Variants in ABCA13 observed in about 807,000 individuals in gnomAD.
ABCA13 encodes ATP-binding cassette sub-family A member 13.
Under a neutral mutation model 478.7 loss-of-function variants are expected in ABCA13, and 476 were observed. That is an observed-to-expected ratio of 0.99 (90% CI 0.92 to 1.07). The LOEUF is 1.07. Ranked by LOEUF, ABCA13 falls within the 50% of genes least tolerant of loss-of-function variation. The pLI is 0.00. For synonymous variants in ABCA13, 2,252 were observed against 2,158.9 expected (o/e 1.04, Z -1.20); for missense variants, 6,060 against 5,910.6 (o/e 1.03, Z -0.83).
At chr7:48,249,527 G>A (rs148419702) in intron 15 of ABCA13, among the ~76,000 whole-genome samples, 176 bp downstream of exon 15, 1 of 152,292 alleles carries the variant, frequency 6.6e-6, no homozygotes, top group East Asian at 1.9e-4. Flanking sequence ...ATTATGACAA[G>A]ACTTACCAGA....
At chr7:48,638,779 A>G (rs931493870) in intron 59 of ABCA13, among the ~76,000 whole-genome samples, 3 of 152,214 alleles carry the variant, frequency 2.0e-5, no homozygotes, top group Non-Finnish European at 2.9e-5. Flanking sequence ...TTTGCATTTT[A>G]TAGAGAGGAA....
intron 55 of ABCA13, among the ~76,000 whole-genome samples, chr7:48,549,929 T>C (rs1339914511): frequency 6.6e-6 from 1 of 151,922 alleles, no homozygotes; most frequent in East Asian, 1.9e-4. Flanking sequence ...TTCTTGTAAA[T>C]TTGTTTAAGT....
chr7:48,270,240 T>C (rs1460586014), intron 16 of ABCA13, among the ~76,000 whole-genome samples: 1 of 152,160 alleles, frequency 6.6e-6, no homozygotes, highest in Non-Finnish European at 1.5e-5. Flanking sequence ...AGCTTGAACC[T>C]GTCAATTAAA....
chr7:48,361,544 C>A (rs189694071), intron 31 of ABCA13, among the ~76,000 whole-genome samples: 23 of 151,736 alleles, frequency 1.5e-4, no homozygotes, highest in Admixed American at 1.0e-3. Context: ...ATTTTTATTA[C>A]TTCCTTACTT....
intron 36 of ABCA13, 75 bp downstream of exon 36, chr7:48,388,034 A>G (rs1815460143): frequency 6.7e-7 from 1 of 1,497,424 alleles, no homozygotes; most frequent in African/African-American, 1.4e-5. Flanking sequence ...GTTTGTTTTT[A>G]TGGTCCAGCC....
rs1790117554 is a variant in ABCA13 at position 48,594,817 on chromosome 7, A to G, written c.14744+4A>G. On this transcript the variant is annotated splice_donor_region_variant and intron_variant, in intron 58 of 61. Transcript: ENST00000435803. Reference sequence around the variant, plus strand: ...CTGCGGTGCTGACCTCCCACAGGTGAGTTCCAGTTTCTCTTGTAGCCATTT... The same window carrying G: ...CTGCGGTGCTGACCTCCCACAGGTGGGTTCCAGTTTCTCTTGTAGCCATTT... 6.2e-7 allele frequency: 1 copy of G among 1,612,918 alleles called. No homozygotes were observed. The highest frequency in any genetic ancestry group is 8.5e-7 in the Non-Finnish European group (1 of 1,178,990).
chr7:48,512,555 T>C (rs1831780435), intron 51 of ABCA13, among the ~76,000 whole-genome samples: 1 of 152,198 alleles, frequency 6.6e-6, no homozygotes, highest in Non-Finnish European at 1.5e-5. Context: ...ATTGAATGGA[T>C]AGTGTTGTCA....
In ABCA13 at chr7:48,275,220, T is replaced by G. The variant is rs1416152857; in HGVS notation, c.5554T>G (p.Tyr1852Asp). The G allele has an allele frequency of 7.4e-6, 12 of 1,613,934 alleles. No individual in the cohort carries two copies. Among genetic ancestry groups the G allele is most frequent in the Non-Finnish European group, 1.0e-5 (12 of 1,179,860 alleles). Residue 1852 changes from tyrosine to aspartate, a missense_variant, in exon 17 of 62, where the codon TAT (tyrosine) becomes GAT (aspartate). Physicochemically the swap from Tyr to Asp is radical, Grantham distance 160 (BLOSUM62 -3). Around this residue, in one of 3 missense-constraint regions of ABCA13, gnomAD observed 4,423 missense variants for 4,309.1 expected, o/e 1.03. Coordinates refer to ENST00000435803, the MANE Select transcript of ABCA13 (RefSeq NM_152701.5). ...CCATGGGCTCATGTCTTCTTCCTTT[T>G]ATGGCAAAGTGGCCAGTATACTTGA... ...NVHGLMSSSFYGKVASILDHF... is the reference protein window; with the variant it reads ...NVHGLMSSSFDGKVASILDHF...
chr7:48,244,629 C>T lies in ABCA13; in HGVS notation c.1316C>T (p.Pro439Leu), dbSNP rs747493163. ...TTGCTGCAAAACCTGCCCCAGTGGCCGGCACTGAAGAGATTTCTTCAGCTT... is the reference window on the plus strand; with the variant it reads ...TTGCTGCAAAACCTGCCCCAGTGGCTGGCACTGAAGAGATTTCTTCAGCTT... ...QSLLQNLPQW[P>L]ALKRFLQLDG... is the part of the protein sequence containing the mutation. Residue 439 changes from proline to leucine, a missense_variant, in exon 11 of 62, where the codon CCG (proline) becomes CTG (leucine). This residue lies in a region of ABCA13 where 4,423 missense variants were observed against 4,309.1 expected (regional missense o/e 1.03). Coordinates refer to ENST00000435803, the MANE Select transcript of ABCA13 (RefSeq NM_152701.5). The T allele has an allele frequency of 3.4e-5, 55 of 1,613,086 alleles. No homozygotes were observed. Among genetic ancestry groups the T allele is most frequent in the Admixed American group, 8.3e-5 (5 of 59,980 alleles).
intron 38 of ABCA13, among the ~76,000 whole-genome samples, chr7:48,398,518 T>A (rs1015523818): frequency 3.9e-5 from 6 of 152,176 alleles, no homozygotes; most frequent in African/African-American, 1.2e-4. Flanking sequence ...CCTTAATGTG[T>A]AGCTTCATTA....
At chr7:48,635,061 G>T (rs532243974) in intron 59 of ABCA13, among the ~76,000 whole-genome samples, 56 of 151,802 alleles carry the variant, frequency 3.7e-4, no homozygotes, top group African/African-American at 1.1e-3. Flanking sequence ...CCACTGGGAG[G>T]GCTCCTTCCA....
Position 48,317,079 on chromosome 7 carries a change from GAT to G in ABCA13, c.9860-75_9860-74del, listed in dbSNP as rs1802700506. 10 of 1,499,936 alleles carry G rather than the reference GAT, an allele frequency of 6.7e-6. No individual in the cohort carries two copies. The Admixed American group carries it at 2.2e-4, about 33-fold the overall frequency. The allele number at this position is 1,499,936 out of a possible 1,614,324, so 92.9% of individuals were successfully genotyped here. On this transcript the variant is annotated intron_variant, in intron 26 of 61. Transcript: ENST00000435803. The stretch of plus-strand genomic sequence containing the variant: ...CTGTCATTGAAAATGAGGCATCCTG[GAT>G]ATGTGAATGAATTTCCCTATTAACC...
At chr7:48,358,893 G>T (rs1810381574) in intron 31 of ABCA13, among the ~76,000 whole-genome samples, 1 of 152,072 alleles carries the variant, frequency 6.6e-6, no homozygotes, top group Middle Eastern at 3.4e-3. Flanking sequence ...AGACATATTG[G>T]ATCTTGACAG....
At chr7:48,392,604 G>A (rs1816235899) in intron 38 of ABCA13, among the ~76,000 whole-genome samples, 1 of 152,164 alleles carries the variant, frequency 6.6e-6, no homozygotes, top group Non-Finnish European at 1.5e-5. Flanking sequence ...AGCCTTATTA[G>A]TCATGCTAAG....
At chr7:48,553,219 G>C (rs1246600871) in intron 55 of ABCA13, among the ~76,000 whole-genome samples, 1 of 152,068 alleles carries the variant, frequency 6.6e-6, no homozygotes, top group Admixed American at 6.6e-5. Context: ...TCTGCTGATG[G>C]ACACTTAGGT....
intron 41 of ABCA13, among the ~76,000 whole-genome samples, chr7:48,414,102 A>G (rs1383199585): frequency 6.6e-6 from 1 of 152,248 alleles, no homozygotes. Context: ...GCAGCCTAAT[A>G]AACACACATG....
At position 48,171,507 on chromosome 7, in the gene ABCA13, C is replaced by G. The variant is rs1288954962; in HGVS notation, c.24C>G (p.Phe8Leu). The change falls in exon 1 of 62, where the codon TTC (phenylalanine) becomes TTG (leucine). Residue 8 changes from phenylalanine (F) to leucine (L), a missense_variant. Physicochemically the swap from Phe to Leu is conservative, Grantham distance 22. Coordinates refer to ENST00000435803, the MANE Select transcript of ABCA13 (RefSeq NM_152701.5). MGHAGCQ[F>L]KALLWKNWLC... is the part of the protein sequence containing the mutation. ...GCATGGGGCATGCCGGGTGCCAGTT[C>G]AAAGCCCTGCTGTGGAAGAATTGGC... 6.5e-7 allele frequency: 1 copy of G among 1,536,272 alleles called. No individual in the cohort carries two copies. Among genetic ancestry groups the G allele is most frequent in the East Asian group, 2.4e-5 (1 of 40,910 alleles).
chr7:48,513,133 A>G (rs1831836859), intron 51 of ABCA13, among the ~76,000 whole-genome samples: 1 of 152,232 alleles, frequency 6.6e-6, no homozygotes, highest in South Asian at 2.1e-4. Flanking sequence ...TCTCTGGGTG[A>G]GGATAGCAGA....
rs776595892 is a variant in ABCA13 at position 48,275,859 on chromosome 7, A to G, written c.6193A>G (p.Ile2065Val). The change falls in exon 17 of 62, where the codon ATC becomes GTC. Residue 2065 changes from isoleucine (I) to valine (V), a missense_variant. By Grantham distance (29) the Ile-to-Val change is conservative. Around this residue, in one of 3 missense-constraint regions of ABCA13, gnomAD observed 4,423 missense variants for 4,309.1 expected, o/e 1.03. Transcript: ENST00000435803. ...FEELWPKFQQ[I>V]MKDLTQDFRI... ...AGAACTATGGCCCAAGTTTCAACAAATCATGAAAGACCTAACCCAAGATTT... is the reference window on the plus strand; with the variant it reads ...AGAACTATGGCCCAAGTTTCAACAAGTCATGAAAGACCTAACCCAAGATTT... The G allele has an allele frequency of 2.5e-6, 4 of 1,613,402 alleles. No homozygotes were observed. In the South Asian group the frequency reaches 4.4e-5, roughly 18 times the overall value.
Sources: allele counts gnomAD v4.1 joint callset (sites outside exome capture counted in the v4.1 genomes callset), GRCh38; gene constraint gnomAD v4.1.1; regional missense constraint gnomAD v4.1.1; transcripts MANE v1.5; gene names NCBI Gene and HGNC (gene_info 2026-07-23, HGNC 2026-07-21).